THRB: variants seen among roughly 807,000 people sequenced by gnomAD.
THRB encodes nuclear receptor subfamily 1 group A member 2.
A neutral mutation model predicts 47.8 loss-of-function variants in THRB; 12 were observed. The observed-to-expected ratio is 0.25, with a 90% confidence interval of 0.16 to 0.41. THRB has a LOEUF of 0.41. Among genes scored for constraint, THRB ranks in the 10% least tolerant of loss-of-function variants. The pLI is 1.00. For missense variants in THRB, 348 were observed against 589.2 expected, an observed-to-expected ratio of 0.59 and a Z score of 4.24; for synonymous variants, 218 against 212.2, an observed-to-expected ratio of 1.03 and a Z score of -0.24.
rs568459254 is a variant in THRB at position 24,219,919 on chromosome 3, G to A, written c.22+9019C>T. On this transcript the variant is annotated intron_variant, in intron 4 of 10. Transcript: ENST00000646209. ...CAGCTCTTTCCTTAACACCAGATGCGTAGCGGAATCACTTGAGGAGTTAAA... is the reference window on the plus strand; with the variant it reads ...CAGCTCTTTCCTTAACACCAGATGCATAGCGGAATCACTTGAGGAGTTAAA... Among the ~76,000 whole-genome samples the A allele has an allele frequency of 1.5e-4, 23 of 152,274 alleles. No homozygotes were observed. The South Asian group carries it at 3.5e-3, about 23-fold the overall frequency.
chr3:24,323,205 C>T (rs2058595777), intron 2 of THRB, among the ~76,000 whole-genome samples: 1 of 151,882 alleles, frequency 6.6e-6, no homozygotes, highest in Admixed American at 6.6e-5. Context: ...CAGGCAACCA[C>T]CATTCCTACG....
At chr3:24,211,154 C>T (rs111440442) in intron 4 of THRB, among the ~76,000 whole-genome samples, 2 of 147,406 alleles carry the variant, frequency 1.4e-5, no homozygotes, top group Admixed American at 6.8e-5. Context: ...AAGCTAAGAT[C>T]GCGCCACTGC....
chr3:24,468,797 G>A (rs1452196412), intron 1 of THRB, among the ~76,000 whole-genome samples: 1 of 152,120 alleles, frequency 6.6e-6, no homozygotes, highest in Admixed American at 6.5e-5. Context: ...ACCAAAATAC[G>A]ACACAGATAA....
chr3:24,350,179 C>T (rs1006012328), intron 1 of THRB, among the ~76,000 whole-genome samples: 48 of 152,132 alleles, frequency 3.2e-4, no homozygotes, highest in African/African-American at 1.1e-3. Flanking sequence ...TATCTATACA[C>T]GTCCACCAGA....
At chr3:24,228,587 T>C in intron 4 of THRB, among the ~76,000 whole-genome samples, 1 of 138,902 alleles carries the variant, frequency 7.2e-6, no homozygotes, top group East Asian at 2.0e-4. Context: ...AAACCGTGAG[T>C]GCACCACTGC....
intron 1 of THRB, among the ~76,000 whole-genome samples, chr3:24,432,242 C>T (rs1002673689): frequency 5.9e-5 from 9 of 152,070 alleles, no homozygotes; most frequent in African/African-American, 2.2e-4. Flanking sequence ...GAAGGCAGGC[C>T]TCCTTAACCC....
At chr3:24,154,702 T>A (rs1233765482) in intron 5 of THRB, among the ~76,000 whole-genome samples, 1 of 152,120 alleles carries the variant, frequency 6.6e-6, no homozygotes, top group African/African-American at 2.4e-5. Flanking sequence ...ACAAAGTAAC[T>A]CAATTAGGAA....
intron 1 of THRB, among the ~76,000 whole-genome samples, chr3:24,404,911 G>A (rs2067698276): frequency 6.6e-6 from 1 of 151,590 alleles, no homozygotes; most frequent in Non-Finnish European, 1.5e-5. Context: ...AAGTAAAAAA[G>A]CCTACCAGCA....
chr3:24,123,191 T>G, intron 10 of THRB, 66 bp from the exon 11 acceptor site: 1 of 1,603,548 alleles, frequency 6.2e-7, no homozygotes, highest in Non-Finnish European at 8.5e-7. Context: ...CTTTGTCCAA[T>G]TCCAGGCCTT....
At chr3:24,231,600 TTTAG>T (rs959537386) in intron 3 of THRB, among the ~76,000 whole-genome samples, 14 of 152,244 alleles carry the variant, frequency 9.2e-5, no homozygotes, top group African/African-American at 2.9e-4. Context: ...TTTGGTATTA[TTTAG>T]TATTTAGTAG....
chr3:24,177,904 A>G (rs931236390), intron 5 of THRB, among the ~76,000 whole-genome samples: 1 of 152,228 alleles, frequency 6.6e-6, no homozygotes, highest in African/African-American at 2.4e-5. Flanking sequence ...TTTAGTTAAA[A>G]TATGAGACGA....
chr3:24,240,970 A>G (rs933226984), intron 3 of THRB, among the ~76,000 whole-genome samples: 8 of 152,102 alleles, frequency 5.3e-5, no homozygotes, highest in East Asian at 3.9e-4. Flanking sequence ...CTTCTCTAGA[A>G]TATTTCCAGT....
Position 24,152,383 on chromosome 3 carries a change from C to T in THRB, c.384+7G>A. The T allele has an allele frequency of 1.3e-6, 2 of 1,579,714 alleles. No individual in the cohort carries two copies. The highest frequency in any genetic ancestry group is 4.5e-5 in the East Asian group (2 of 44,710). ...AAGCTCTGTGCTTGTGGACCCAGGG[C>T]AATTACCTTGCAGCCTTCACACGTG... On this transcript the variant is annotated splice_region_variant and intron_variant, in intron 6 of 10. Coordinates refer to ENST00000646209, the MANE Select transcript of THRB (RefSeq NM_001354712.2).
chr3:24,366,746 G>A (rs35447091), intron 1 of THRB, among the ~76,000 whole-genome samples: 32,771 of 150,542 alleles, frequency 0.22, 3,778 homozygotes, highest in Admixed American at 0.33. Context: ...TCAGCCTCCC[G>A]AGAAGCTGGG....
At chr3:24,483,112 C>T (rs1404317991) in intron 1 of THRB, among the ~76,000 whole-genome samples, 1 of 151,934 alleles carries the variant, frequency 6.6e-6, no homozygotes, top group Non-Finnish European at 1.5e-5. Flanking sequence ...GTAAAATATG[C>T]ATAGTTAGAA....
At chr3:24,218,568 C>T (rs13097208) in intron 4 of THRB, among the ~76,000 whole-genome samples, 61,580 of 151,384 alleles carry the variant, frequency 0.41, 12,691 homozygotes, top group Non-Finnish European at 0.44. Context: ...ATTGTAGGAT[C>T]GTAATTCTGT....
intron 1 of THRB, among the ~76,000 whole-genome samples, chr3:24,432,999 A>G (rs2070598881): frequency 6.6e-6 from 1 of 152,092 alleles, no homozygotes; most frequent in Admixed American, 6.6e-5. Flanking sequence ...ATCTAATGAT[A>G]TAATGTTTAT....
At chr3:24,147,063 C>T (rs780803818) in intron 6 of THRB, among the ~76,000 whole-genome samples, 7 of 151,822 alleles carry the variant, frequency 4.6e-5, no homozygotes, top group African/African-American at 1.5e-4. Context: ...GGTCTTTATT[C>T]AAGGAAAAGA....
At chr3:24,282,424 G>A (rs376210264) in intron 3 of THRB, among the ~76,000 whole-genome samples, 12 of 10,814 alleles carry the variant, frequency 1.1e-3, no homozygotes, top group South Asian at 3.2e-3. Flanking sequence ...TCTCTGGGAC[G>A]CATTCAAAGC....
Sources: allele counts gnomAD v4.1 joint callset (sites outside exome capture counted in the v4.1 genomes callset), GRCh38; gene constraint gnomAD v4.1.1; transcripts MANE v1.5; gene names NCBI Gene and HGNC (gene_info 2026-07-23, HGNC 2026-07-21).